The following PTPRN2 variants were observed in gnomAD, a reference collection of about 807,000 sequenced individuals.
PTPRN2 encodes receptor-type tyrosine-protein phosphatase N2.
A neutral mutation model predicts 118.8 loss-of-function variants in PTPRN2; 74 were observed. The observed-to-expected ratio is 0.62, with a 90% CI of 0.52 to 0.76. PTPRN2 has a LOEUF of 0.76. PTPRN2 is among the 30% of genes least tolerant of loss of function. The pLI, the probability that PTPRN2 is intolerant of heterozygous loss-of-function variation, is 0.00. For synonymous variants in PTPRN2, 641 were observed against 608.0 expected, an observed-to-expected ratio of 1.05 and a Z score of -0.80; for missense variants, 1,481 against 1,394.4, an observed-to-expected ratio of 1.06 and a Z score of -0.99.
intron 11 of PTPRN2, among the ~76,000 whole-genome samples, chr7:157,922,848 C>A (rs1401682344): frequency 6.6e-6 from 1 of 152,238 alleles, no homozygotes; most frequent in Non-Finnish European, 1.5e-5. Flanking sequence ...CCTGAGGTCA[C>A]TCGCTTACAA....
chr7:158,533,104 C>T (rs772821862), intron 1 of PTPRN2, among the ~76,000 whole-genome samples: 18 of 152,214 alleles, frequency 1.2e-4, no homozygotes, highest in Non-Finnish European at 2.1e-4. Flanking sequence ...ATTAGCTCAC[C>T]TCCAACAACC....
At chr7:158,331,563 T>C (rs1430743343) in intron 2 of PTPRN2, among the ~76,000 whole-genome samples, 2 of 131,948 alleles carry the variant, frequency 1.5e-5, no homozygotes, top group Non-Finnish European at 3.2e-5. Flanking sequence ...CCCGCAGACG[T>C]CACTCACACC....
intron 2 of PTPRN2, among the ~76,000 whole-genome samples, chr7:158,320,265 T>C (rs1488321190): frequency 6.6e-6 from 1 of 152,218 alleles, no homozygotes; most frequent in African/African-American, 2.4e-5. Flanking sequence ...TTCCACTTTT[T>C]TGGGTAAAGA....
chr7:158,027,877 C>G (rs890687010), intron 11 of PTPRN2: 2 of 152,222 alleles, frequency 1.3e-5, no homozygotes, highest in Non-Finnish European at 2.9e-5. Flanking sequence ...CAGGAGGCAG[C>G]TCCCCCAAAA....
At chr7:157,604,266 C>T (rs533066274) in intron 15 of PTPRN2, among the ~76,000 whole-genome samples, 191 bp from the exon 16 acceptor site, 3 of 152,238 alleles carry the variant, frequency 2.0e-5, no homozygotes, top group South Asian at 2.1e-4. Context: ...GACCCCTGCC[C>T]GGGCTCCAGG....
chr7:157,890,874 C>T (rs988423046), intron 12 of PTPRN2, among the ~76,000 whole-genome samples: 2 of 152,206 alleles, frequency 1.3e-5, no homozygotes, highest in African/African-American at 4.8e-5. Context: ...AGAGCCTCAT[C>T]CATCCACCTG....
chr7:158,485,048 T>C (rs1241941684), intron 2 of PTPRN2, among the ~76,000 whole-genome samples: 1 of 151,998 alleles, frequency 6.6e-6, no homozygotes, highest in African/African-American at 2.4e-5. Flanking sequence ...GGAGGGCACC[T>C]GCGGAGGGAA....
intron 1 of PTPRN2, among the ~76,000 whole-genome samples, chr7:158,491,403 A>C (rs1270880368): frequency 1.3e-5 from 2 of 152,052 alleles, no homozygotes; most frequent in African/African-American, 4.8e-5. Flanking sequence ...CACCCCACCC[A>C]TTGACGGGAG....
chr7:157,731,135 C>G (rs940990177), intron 12 of PTPRN2, among the ~76,000 whole-genome samples: 19 of 152,242 alleles, frequency 1.2e-4, no homozygotes, highest in Non-Finnish European at 2.6e-4. Flanking sequence ...TCTGCGCTGC[C>G]CCCACTGAGA....
intron 5 of PTPRN2, among the ~76,000 whole-genome samples, chr7:158,171,125 T>TAC (rs1554571431): frequency 1.1e-5 from 1 of 92,744 alleles, no homozygotes; most frequent in South Asian, 3.6e-4. Context: ...CACACATATA[T>TAC]ACACATATAT....
Position 158,079,394 on chromosome 7 carries a change from C to T in PTPRN2, c.1723+1904G>A, listed in dbSNP as rs150761424. On this transcript the variant is annotated intron_variant, in intron 11 of 22. Coordinates refer to ENST00000389418, the MANE Select transcript of PTPRN2 (RefSeq NM_002847.5). Reference sequence around the variant, plus strand: ...GTGGCTCCCCCTTGGTGCAGCACTTCGATAAATAACATGAACACATTTGAA... The same window carrying T: ...GTGGCTCCCCCTTGGTGCAGCACTTTGATAAATAACATGAACACATTTGAA... 7.4e-4 allele frequency among the ~76,000 whole-genome samples: 112 copies of T among 152,130 alleles called. 1 individual carries two copies. The highest frequency in any genetic ancestry group is 2.6e-3 in the African/African-American group (107 of 41,492).
Position 157,953,268 on chromosome 7 carries a change from G to T in PTPRN2, c.1724-54531C>A, listed in dbSNP as rs1800950540. Among the ~76,000 whole-genome samples the T allele has an allele frequency of 6.6e-6, 1 of 152,320 alleles. No individual in the cohort carries two copies. Among genetic ancestry groups the T allele is most frequent in the East Asian group, 1.9e-4 (1 of 5,184 alleles). ...GCTTTCGGGAAGGACAGGAGAGCCG[G>T]GTGTGAGAAGCCTCCTTCCTAGGGC... On this transcript the variant is annotated intron_variant, in intron 11 of 22. Transcript: ENST00000389418. The surrounding 1 kb of genome is among the most constrained non-coding windows in gnomAD (Gnocchi z 4.6).
At chr7:158,294,462 C>G (rs1272711981) in intron 3 of PTPRN2, among the ~76,000 whole-genome samples, 1 of 152,224 alleles carries the variant, frequency 6.6e-6, no homozygotes, top group Non-Finnish European at 1.5e-5. Context: ...CTGGCGTCAA[C>G]TATTCCCTCC....
intron 11 of PTPRN2, among the ~76,000 whole-genome samples, chr7:158,025,727 T>G (rs1422377118): frequency 6.6e-6 from 1 of 152,176 alleles, no homozygotes; most frequent in African/African-American, 2.4e-5. Flanking sequence ...ACTAAAACAC[T>G]TATAAAAAGG....
rs1252445758 is a variant in PTPRN2 at position 157,977,689 on chromosome 7, C to T, written c.1724-78952G>A. On this transcript the variant is annotated intron_variant, in intron 11 of 22. Coordinates refer to ENST00000389418, the MANE Select transcript of PTPRN2 (RefSeq NM_002847.5). The surrounding 1 kb of genome is among the most constrained non-coding windows in gnomAD (Gnocchi z 4.6). The stretch of plus-strand genomic sequence containing the variant: ...GGGAGCAGAGAGAATGCTGCTCTGT[C>T]CAGTACCTGTGAGCAGGGGAGGTGG... Among the ~76,000 whole-genome samples the T allele has an allele frequency of 6.6e-6, 1 of 151,508 alleles. No homozygotes were observed. The highest frequency in any genetic ancestry group is 2.4e-5 in the African/African-American group (1 of 41,280).
rs146950083 is a variant in PTPRN2 at position 158,214,212 on chromosome 7, T to C, written c.278-8939A>G. Among the ~76,000 whole-genome samples the C allele has an allele frequency of 4.7e-3, 719 of 152,174 alleles. 8 individuals are homozygous for C. Among genetic ancestry groups the C allele is most frequent in the African/African-American group, 0.017 (686 of 41,500 alleles). On this transcript the variant is annotated intron_variant, in intron 3 of 22. Transcript: ENST00000389418. Reference sequence around the variant, plus strand: ...AAGGAATCCACTCCCAGAGATGACATACGTCTTCCCACTAAGTACAACTAA... The same window carrying C: ...AAGGAATCCACTCCCAGAGATGACACACGTCTTCCCACTAAGTACAACTAA...
intron 2 of PTPRN2, among the ~76,000 whole-genome samples, chr7:158,394,898 A>G (rs765998124): frequency 1.6e-4 from 25 of 152,216 alleles, no homozygotes; most frequent in Non-Finnish European, 1.5e-4. Context: ...ACAGTGGGAC[A>G]GCGGCCAGGC....
chr7:158,535,468 C>A (rs576513720), intron 1 of PTPRN2, among the ~76,000 whole-genome samples: 1 of 152,114 alleles, frequency 6.6e-6, no homozygotes, highest in Non-Finnish European at 1.5e-5. Context: ...GTGCTGTTTT[C>A]GTTCTCCTGA....
chr7:157,679,355 C>T (rs571668678), intron 13 of PTPRN2, among the ~76,000 whole-genome samples: 5 of 152,196 alleles, frequency 3.3e-5, no homozygotes, highest in Admixed American at 3.3e-4. Flanking sequence ...CCAATTTTTG[C>T]TCCAGTCTGA....
Sources: gnomAD v4.1 joint callset for allele counts (sites outside exome capture counted in the v4.1 genomes callset) on GRCh38, gnomAD v4.1.1 for gene constraint, Gnocchi (gnomAD v3.1) non-coding constraint, MANE v1.5 for transcripts, NCBI Gene and HGNC (gene_info 2026-07-23, HGNC 2026-07-21) for gene names.